Variants in AFF3 observed in about 807,000 individuals in gnomAD.
AFF3 encodes AF4/FMR2 family member 3.
AFF3 carries 32 observed loss-of-function variants against 129.7 expected under a neutral mutation model. That is an observed-to-expected ratio of 0.25 (90% CI 0.19 to 0.33). The LOEUF is 0.33. AFF3 is among the 10% of genes least tolerant of loss of function. The pLI, the probability that AFF3 is intolerant of heterozygous loss-of-function variation, is 1.00. For synonymous variants in AFF3, 644 were observed against 635.4 expected, an observed-to-expected ratio of 1.01 and a Z score of -0.20; for missense variants, 1,373 against 1,592.0, an observed-to-expected ratio of 0.86 and a Z score of 2.34.
At chr2:99,693,370 G>A (rs1675870227) in intron 11 of AFF3, among the ~76,000 whole-genome samples, 1 of 151,256 alleles carries the variant, frequency 6.6e-6, no homozygotes, top group African/African-American at 2.4e-5. Context: ...TTCTACTCTT[G>A]GATACTGCAA....
chr2:100,032,210 G>C (rs189561792), intron 4 of AFF3, among the ~76,000 whole-genome samples: 26 of 152,228 alleles, frequency 1.7e-4, no homozygotes, highest in African/African-American at 6.0e-4. Context: ...GGTGGATTAC[G>C]AGGTCAGGAG....
intron 4 of AFF3, among the ~76,000 whole-genome samples, chr2:100,053,269 A>G (rs1405231514): frequency 6.6e-6 from 1 of 152,208 alleles, no homozygotes; most frequent in Non-Finnish European, 1.5e-5. Context: ...GGAATTTCAA[A>G]TTCTGCTGTT....
chr2:99,591,093 G>A (rs1035486604), intron 15 of AFF3, among the ~76,000 whole-genome samples: 2 of 151,734 alleles, frequency 1.3e-5, no homozygotes, highest in African/African-American at 4.8e-5. Context: ...GAACTTTCTT[G>A]CAAGGGCTTC....
chr2:99,926,728 T>C (rs530459006), intron 7 of AFF3, among the ~76,000 whole-genome samples: 1 of 152,174 alleles, frequency 6.6e-6, no homozygotes, highest in South Asian at 2.1e-4. Context: ...GAGGATTAAG[T>C]ATGGTCTGTA....
At chr2:99,875,635 G>T (rs999683133) in intron 7 of AFF3, among the ~76,000 whole-genome samples, 1 of 152,126 alleles carries the variant, frequency 6.6e-6, no homozygotes, top group African/African-American at 2.4e-5. Context: ...TCCACCAGGG[G>T]TACCGGGCAT....
intron 11 of AFF3, among the ~76,000 whole-genome samples, chr2:99,720,092 G>A (rs1054411138): frequency 6.6e-6 from 1 of 152,098 alleles, no homozygotes; most frequent in East Asian, 1.9e-4. Flanking sequence ...CATGTAGACC[G>A]CAGGCAGTCT....
Position 100,057,885 on chromosome 2 carries a change from G to A in AFF3, c.53+46517C>T, listed in dbSNP as rs146719174. 2.2e-4 allele frequency among the ~76,000 whole-genome samples: 34 copies of A among 152,236 alleles called. No homozygotes were observed. The East Asian group carries it at 5.2e-3, about 23-fold the overall frequency. The stretch of plus-strand genomic sequence containing the variant: ...GAATCCCTCAGCAACTGTCTTTCCT[G>A]GAATCAAGATAAACTATTATTCTTC... On this transcript the variant is annotated intron_variant, in intron 4 of 24. Coordinates refer to ENST00000672756, the MANE Select transcript of AFF3 (RefSeq NM_001386135.1).
intron 8 of AFF3, among the ~76,000 whole-genome samples, chr2:99,771,908 C>T (rs180676370): frequency 7.2e-4 from 109 of 152,226 alleles, no homozygotes; most frequent in African/African-American, 1.3e-3. Context: ...TGCAAAACAG[C>T]GATAAGAATA....
At chr2:99,631,806 G>A (rs964914381) in intron 13 of AFF3, among the ~76,000 whole-genome samples, 1 of 152,164 alleles carries the variant, frequency 6.6e-6, no homozygotes, top group Non-Finnish European at 1.5e-5. Context: ...TAATGCTGCT[G>A]TGGACAGGGT....
intron 4 of AFF3, among the ~76,000 whole-genome samples, chr2:100,032,813 T>C (rs575787841): frequency 6.6e-6 from 1 of 152,184 alleles, no homozygotes; most frequent in Non-Finnish European, 1.5e-5. Context: ...ACACTGTGTG[T>C]CTTAATTACT....
At chr2:100,130,854 C>T (rs1464977147) in intron 1 of AFF3, among the ~76,000 whole-genome samples, 2 of 152,162 alleles carry the variant, frequency 1.3e-5, no homozygotes, top group East Asian at 1.9e-4. Flanking sequence ...ACAGAGGGCA[C>T]CTGCTAGGCC....
At chr2:100,065,438 TATAGA>T (rs1245029433) in intron 4 of AFF3, among the ~76,000 whole-genome samples, 1 of 152,222 alleles carries the variant, frequency 6.6e-6, no homozygotes, top group African/African-American at 2.4e-5. Flanking sequence ...TATGCATATT[TATAGA>T]AAACAGCCCT....
In AFF3 at chr2:99,861,051, A is replaced by T. The variant is rs559179617; in HGVS notation, c.874-23527T>A. Among the ~76,000 whole-genome samples, 8 of 152,290 alleles carry T rather than the reference A, an allele frequency of 5.3e-5. No individual in the cohort carries two copies. In the East Asian group the frequency reaches 1.5e-3, roughly 29 times the overall value. On this transcript the variant is annotated intron_variant, in intron 7 of 24. Transcript: ENST00000672756. ...AACAGCTCCCCCTTTGAATTTAGTG[A>T]TTCTCTCCTTTGTGGAGAGAATCAG...
chr2:99,897,504 C>A (rs1694060800), intron 7 of AFF3, among the ~76,000 whole-genome samples: 1 of 152,126 alleles, frequency 6.6e-6, no homozygotes, highest in South Asian at 2.1e-4. Context: ...CCTGCTCAGA[C>A]CCACTCGGGT....
chr2:99,658,903 G>A lies in AFF3; in HGVS notation c.1144-9237C>T, dbSNP rs1685991285. ...ACACTGGGGGAAACCTTTATCTGGG[G>A]ATGCCAGTGAAGGGGAATAATAGGA... is the stretch of plus-strand genomic sequence containing the variant. On this transcript the variant is annotated intron_variant, in intron 12 of 24. Transcript: ENST00000672756. Among the ~76,000 whole-genome samples the A allele has an allele frequency of 2.0e-5, 3 of 152,198 alleles. No individual in the cohort carries two copies. In the South Asian group the frequency reaches 6.2e-4, roughly 31 times the overall value.
intron 4 of AFF3, among the ~76,000 whole-genome samples, chr2:100,027,774 ATTTTAAGCAGTTT>A (rs770333317): frequency 2.4e-4 from 36 of 152,236 alleles, no homozygotes; most frequent in Admixed American, 5.2e-4. Context: ...AAATATTTAC[ATTTTAAGCAGTTT>A]TTTTCTGACT....
chr2:99,725,403 G>C (rs1276924609), intron 11 of AFF3, among the ~76,000 whole-genome samples: 3 of 152,020 alleles, frequency 2.0e-5, no homozygotes, highest in African/African-American at 7.3e-5. Flanking sequence ...ACCCAGGCTG[G>C]AGCACAGTGG....
At chr2:99,674,205 G>C (rs1028710494) in intron 11 of AFF3, among the ~76,000 whole-genome samples, 1 of 152,214 alleles carries the variant, frequency 6.6e-6, no homozygotes, top group Non-Finnish European at 1.5e-5. Context: ...AGCAGAGGCT[G>C]TAAAGCGGCA....
At chr2:99,735,426 A>T (rs74958628) in intron 10 of AFF3, among the ~76,000 whole-genome samples, 2 of 143,346 alleles carry the variant, frequency 1.4e-5, no homozygotes, top group East Asian at 2.0e-4. Flanking sequence ...TTTTGGGTTT[A>T]TTTTCTCTTC....
Sources: gnomAD v4.1 joint callset for allele counts (sites outside exome capture counted in the v4.1 genomes callset) on GRCh38, gnomAD v4.1.1 for gene constraint, MANE v1.5 for transcripts, NCBI Gene and HGNC (gene_info 2026-07-23, HGNC 2026-07-21) for gene names.